Variants in SEMA3A observed in about 807,000 individuals in gnomAD.
SEMA3A encodes the protein semaphorin 3A.
A neutral mutation model predicts 97.9 loss-of-function variants in SEMA3A; 29 were observed. The observed-to-expected ratio is 0.30, with a 90% CI of 0.22 to 0.40. The LOEUF (loss-of-function observed/expected upper bound fraction) is 0.40, where lower values mean the gene tolerates loss of function less well. Among genes scored for constraint, SEMA3A ranks in the 10% least tolerant of loss-of-function variants. SEMA3A has a pLI of 1.00. For synonymous variants in SEMA3A, 321 were observed against 323.7 expected (o/e 0.99, Z 0.09); for missense variants, 763 against 951.3 (o/e 0.80, Z 2.60).
intron 2 of SEMA3A, among the ~76,000 whole-genome samples, chr7:84,357,537 G>A (rs12707647): frequency 6.6e-6 from 1 of 151,912 alleles, no homozygotes; most frequent in Non-Finnish European, 1.5e-5. Flanking sequence ...GTCTATCATT[G>A]TTGGACATTT....
intron 6 of SEMA3A, among the ~76,000 whole-genome samples, chr7:84,036,181 T>G (rs1791933466): frequency 6.6e-6 from 1 of 152,064 alleles, no homozygotes; most frequent in Admixed American, 6.6e-5. Context: ...GGGAGATGGA[T>G]AGTAACTCCT....
At chr7:84,478,934 T>A (rs1297682713) in intron 1 of SEMA3A, among the ~76,000 whole-genome samples, 2 of 152,174 alleles carry the variant, frequency 1.3e-5, no homozygotes, top group Admixed American at 1.3e-4. Flanking sequence ...CAACCTTATA[T>A]AAAATCATAC....
rs1310988432 is a variant in SEMA3A at position 84,052,689 on chromosome 7, G to C, written c.548-6246C>G. 3.9e-5 allele frequency among the ~76,000 whole-genome samples: 6 copies of C among 151,920 alleles called. No individual in the cohort carries two copies. In the East Asian group the frequency reaches 5.8e-4, roughly 15 times the overall value. On this transcript the variant is annotated intron_variant, in intron 5 of 16. Coordinates refer to ENST00000265362, the MANE Select transcript of SEMA3A (RefSeq NM_006080.3). Reference sequence around the variant, plus strand: ...TCCTGGATTCATTAATTTTTGGAAGGGTTTTTTTGTGTCTCTATTTCCTTC... The same window carrying C: ...TCCTGGATTCATTAATTTTTGGAAGCGTTTTTTTGTGTCTCTATTTCCTTC...
chr7:83,967,891 TA>T (rs1335932868), intron 15 of SEMA3A, among the ~76,000 whole-genome samples: 4 of 152,214 alleles, frequency 2.6e-5, no homozygotes, highest in African/African-American at 7.2e-5. Flanking sequence ...CAAATCAGGG[TA>T]ATTACCTTAT....
intron 1 of SEMA3A, among the ~76,000 whole-genome samples, chr7:84,423,052 A>G (rs1804643651): frequency 6.6e-6 from 1 of 152,070 alleles, no homozygotes; most frequent in African/African-American, 2.4e-5. Context: ...AGGTTCTGGC[A>G]TTATAATGCT....
chr7:84,213,570 G>A (rs1798681681), intron 3 of SEMA3A, among the ~76,000 whole-genome samples: 1 of 152,162 alleles, frequency 6.6e-6, no homozygotes, highest in Non-Finnish European at 1.5e-5. Context: ...ATAGGCATAA[G>A]CCACTGTACC....
upstream of SEMA3A, chr7:84,195,420 T>C (rs1055168579): frequency 5.8e-5 from 8 of 137,142 alleles, no homozygotes; most frequent in South Asian, 6.9e-4. Flanking sequence ...ATTGTATGTG[T>C]GCGTGTGTGT....
intron 1 of SEMA3A, among the ~76,000 whole-genome samples, chr7:84,139,485 A>G (rs1331872853): frequency 1.3e-5 from 2 of 152,070 alleles, no homozygotes; most frequent in Non-Finnish European, 2.9e-5. Flanking sequence ...AGATTCACCA[A>G]AGGATTTAGT....
At chr7:84,323,622 C>T (rs1801705222) in intron 2 of SEMA3A, among the ~76,000 whole-genome samples, 1 of 151,906 alleles carries the variant, frequency 6.6e-6, no homozygotes, top group Non-Finnish European at 1.5e-5. Flanking sequence ...AAAAAAAATG[C>T]TTCCATGCTA....
intron 2 of SEMA3A, among the ~76,000 whole-genome samples, chr7:84,350,347 T>C (rs17158915): frequency 0.07 from 10,726 of 152,182 alleles, 938 homozygotes; most frequent in African/African-American, 0.2. Context: ...AATGGGATAG[T>C]CGTTTCCTTT....
intron 6 of SEMA3A, among the ~76,000 whole-genome samples, chr7:84,016,366 T>C (rs944450924): frequency 6.6e-6 from 1 of 151,824 alleles, no homozygotes. Flanking sequence ...GGTGAAAGCC[T>C]GTCTCTACTA....
rs942373905 is a variant in SEMA3A at position 84,296,052 on chromosome 7, C to T, written c.-83+11155G>A. Among the ~76,000 whole-genome samples, 8 of 152,210 alleles carry T rather than the reference C, an allele frequency of 5.3e-5. No individual in the cohort carries two copies. The East Asian group carries it at 1.4e-3, about 26-fold the overall frequency. On this transcript the variant is annotated intron_variant, in intron 3 of 3. Coordinates refer to the SEMA3A transcript ENST00000424555. ...CACAATCAAGTTACTAATTGAGCAACTACAAGAGATAAAACAGTACACAGA... is the reference window on the plus strand; with the variant it reads ...CACAATCAAGTTACTAATTGAGCAATTACAAGAGATAAAACAGTACACAGA...
chr7:84,029,785 C>A (rs1179456060), intron 6 of SEMA3A, among the ~76,000 whole-genome samples: 2 of 147,624 alleles, frequency 1.4e-5, no homozygotes, highest in Non-Finnish European at 3.0e-5. Flanking sequence ...TAAGGTTACA[C>A]ATTTGCACAC....
chr7:84,077,832 A>C (rs1220520631), intron 4 of SEMA3A, among the ~76,000 whole-genome samples: 2 of 152,034 alleles, frequency 1.3e-5, no homozygotes, highest in Non-Finnish European at 2.9e-5. Flanking sequence ...ATCTTTATGA[A>C]AAGAAAAGAA....
chr7:84,350,890 C>A (rs1584257179), intron 2 of SEMA3A, among the ~76,000 whole-genome samples: 3 of 152,082 alleles, frequency 2.0e-5, no homozygotes, highest in African/African-American at 7.2e-5. Flanking sequence ...TTGGTCCTGA[C>A]ACTTGGTGTC....
intron 1 of SEMA3A, among the ~76,000 whole-genome samples, chr7:84,391,165 T>C (rs1323223452): frequency 1.3e-5 from 2 of 152,180 alleles, no homozygotes; most frequent in African/African-American, 4.8e-5. Flanking sequence ...CCTCAGCACC[T>C]TTCATAGGAC....
intron 3 of SEMA3A, among the ~76,000 whole-genome samples, chr7:84,233,641 A>C (rs1799166514): frequency 6.6e-6 from 1 of 152,040 alleles, no homozygotes; most frequent in South Asian, 2.1e-4. Flanking sequence ...AAAGATTTCA[A>C]CCATGTAATG....
At chr7:84,129,047 T>C in intron 3 of SEMA3A, 76 bp downstream of exon 3, 1 of 1,154,210 alleles carries the variant, frequency 8.7e-7, no homozygotes, top group East Asian at 2.3e-5. Flanking sequence ...AATCAGAAAT[T>C]TGAAACACTT....
chr7:83,989,440 T>A (rs1789790596), intron 12 of SEMA3A, among the ~76,000 whole-genome samples: 1 of 140,344 alleles, frequency 7.1e-6, no homozygotes, highest in Non-Finnish European at 1.6e-5. Context: ...TAGCATTAGG[T>A]ATATCTCCCA....
Sources: allele counts gnomAD v4.1 joint callset (sites outside exome capture counted in the v4.1 genomes callset), GRCh38; gene constraint gnomAD v4.1.1; transcripts MANE v1.5; gene names NCBI Gene and HGNC (gene_info 2026-07-23, HGNC 2026-07-21).